VPS8: variants seen among roughly 807,000 people sequenced by gnomAD.
The protein encoded by VPS8 is vacuolar protein sorting-associated protein 8 homolog.
In VPS8, 129 loss-of-function variants were observed where a neutral mutation model predicts 216.4. The observed-to-expected ratio is 0.60, with a 90% confidence interval of 0.52 to 0.69. The LOEUF (loss-of-function observed/expected upper bound fraction) is 0.69. Ranked by LOEUF, VPS8 falls within the 30% of genes least tolerant of loss-of-function variation. The pLI is 0.00. For synonymous variants in VPS8, 571 were observed against 565.4 expected (o/e 1.01, Z -0.14); for missense variants, 1,531 against 1,683.5 (o/e 0.91, Z 1.59).
At chr3:185,032,345 G>A (rs1209022857) in intron 46 of VPS8, among the ~76,000 whole-genome samples, 1 of 152,152 alleles carries the variant, frequency 6.6e-6, no homozygotes, top group Non-Finnish European at 1.5e-5. Context: ...GCAGTAAGGG[G>A]AACGCTCCAA....
Position 185,017,229 on chromosome 3 carries a change from G to A in VPS8, c.4003-7107G>A, listed in dbSNP as rs145081773. ...TAACTACTTTGATAATACTTCAGGG[G>A]CTTTACCAACTCCAGCTATGTTAAA... On this transcript the variant is annotated intron_variant, in intron 45 of 47. Transcript: ENST00000625842. 4.4e-3 allele frequency among the ~76,000 whole-genome samples: 671 copies of A among 152,174 alleles called. 7 individuals are homozygous for A. Among genetic ancestry groups the A allele is most frequent in the African/African-American group, 0.015 (630 of 41,528 alleles).
intron 8 of VPS8, among the ~76,000 whole-genome samples, chr3:184,848,564 CTT>C (rs35715889): frequency 0.018 from 1,610 of 87,064 alleles, 12 homozygotes; most frequent in African/African-American, 0.078. Flanking sequence ...TTCCTGTATT[CTT>C]TTTTTTTTTT....
chr3:184,819,241 A>G (rs1396016398), intron 1 of VPS8, among the ~76,000 whole-genome samples: 6 of 151,720 alleles, frequency 4.0e-5, no homozygotes, highest in African/African-American at 1.5e-4. Context: ...ATCAGCACTC[A>G]GAAGAGACAG....
chr3:184,891,668 A>G (rs1423600301), intron 22 of VPS8, among the ~76,000 whole-genome samples: 3 of 152,212 alleles, frequency 2.0e-5, no homozygotes. Context: ...GTATCAAAAA[A>G]TAGAGCATTT....
chr3:184,859,218 A>C (rs552379205), intron 14 of VPS8, among the ~76,000 whole-genome samples: 2 of 152,166 alleles, frequency 1.3e-5, no homozygotes, highest in Non-Finnish European at 2.9e-5. Context: ...CTTCACCTTC[A>C]ACATCATCTC....
intron 8 of VPS8, among the ~76,000 whole-genome samples, chr3:184,848,466 G>A (rs77322987): frequency 0.032 from 4,915 of 151,652 alleles, 253 homozygotes; most frequent in African/African-American, 0.11. Flanking sequence ...GACAGGTGAC[G>A]GTTTGTTTAA....
intron 39 of VPS8, among the ~76,000 whole-genome samples, chr3:184,968,619 CTAA>C (rs1747814818): frequency 6.6e-6 from 1 of 152,126 alleles, no homozygotes; most frequent in Non-Finnish European, 1.5e-5. Context: ...TTGCATTTCT[CTAA>C]TGATTAGTGA....
At chr3:184,877,675 A>G (rs563638094) in intron 21 of VPS8, among the ~76,000 whole-genome samples, 1 of 152,290 alleles carries the variant, frequency 6.6e-6, no homozygotes, top group Admixed American at 6.5e-5. Flanking sequence ...CACCATAGAT[A>G]CACACCCAGG....
chr3:184,966,619 G>A, intron 38 of VPS8, 52 bp from the exon 39 acceptor site: 2 of 1,290,794 alleles, frequency 1.5e-6, no homozygotes, highest in Non-Finnish European at 2.2e-6. Context: ...TATTGGGTGG[G>A]TAGAACTATA....
At chr3:184,914,058 C>T (rs1403740764) in intron 26 of VPS8, among the ~76,000 whole-genome samples, 1 of 152,172 alleles carries the variant, frequency 6.6e-6, no homozygotes, top group Non-Finnish European at 1.5e-5. Flanking sequence ...ACTCCTGGAG[C>T]AGGGTTCATT....
chr3:184,859,918 A>C, intron 14 of VPS8, 67 bp from the exon 15 acceptor site: 1 of 1,197,916 alleles, frequency 8.3e-7, no homozygotes, highest in East Asian at 2.4e-5. Flanking sequence ...GGTGGAGTAT[A>C]ATTAAATATC....
chr3:185,040,978 A>G (rs1711510130), intron 46 of VPS8, among the ~76,000 whole-genome samples: 1 of 152,158 alleles, frequency 6.6e-6, no homozygotes, highest in Admixed American at 6.5e-5. Context: ...CAAGGCGGGC[A>G]GAATACCTGA....
At chr3:184,890,672 A>G (rs1302117970) in intron 22 of VPS8, among the ~76,000 whole-genome samples, 2 of 152,118 alleles carry the variant, frequency 1.3e-5, no homozygotes, top group Non-Finnish European at 2.9e-5. Context: ...CATTTTTACT[A>G]TGTCACAGTA....
intron 17 of VPS8, among the ~76,000 whole-genome samples, chr3:184,867,739 G>A (rs1727630684): frequency 6.6e-6 from 1 of 152,086 alleles, no homozygotes; most frequent in African/African-American, 2.4e-5. Context: ...TCAGCTACTC[G>A]AGAAGCTGAG....
At chr3:185,043,400 C>G (rs1183146767) in intron 46 of VPS8, among the ~76,000 whole-genome samples, 3 of 152,176 alleles carry the variant, frequency 2.0e-5, no homozygotes, top group African/African-American at 7.2e-5. Context: ...CCCTTCCCAG[C>G]CCTTCCCTCA....
chr3:184,912,053 G>T (rs550437245), intron 25 of VPS8, among the ~76,000 whole-genome samples: 34 of 152,174 alleles, frequency 2.2e-4, no homozygotes, highest in African/African-American at 7.2e-4. Context: ...GTAACCATTC[G>T]TCCTTTTAAT....
intron 40 of VPS8, among the ~76,000 whole-genome samples, chr3:184,982,217 G>A (rs1265769090): frequency 6.6e-6 from 1 of 152,048 alleles, no homozygotes; most frequent in Admixed American, 6.5e-5. Flanking sequence ...TAATAGAGTA[G>A]ATAAGAATCT....
chr3:184,838,552 A>C (rs1159371438), intron 5 of VPS8, among the ~76,000 whole-genome samples, 162 bp from the exon 6 acceptor site: 1 of 152,106 alleles, frequency 6.6e-6, no homozygotes, highest in Admixed American at 6.5e-5. Flanking sequence ...TTTTGTTGAG[A>C]TATATAGCTT....
intron 42 of VPS8, 104 bp downstream of exon 42, chr3:184,983,198 A>G: frequency 9.8e-7 from 1 of 1,021,174 alleles, no homozygotes; most frequent in Non-Finnish European, 1.3e-6. Flanking sequence ...CTCAAGCATA[A>G]TGCAGCTAAT....
Sources: allele counts gnomAD v4.1 joint callset (sites outside exome capture counted in the v4.1 genomes callset), GRCh38; gene constraint gnomAD v4.1.1; transcripts MANE v1.5; gene names NCBI Gene and HGNC (gene_info 2026-07-23, HGNC 2026-07-21).